Variants in LAMA1 observed in about 807,000 individuals in gnomAD.
LAMA1 encodes laminin subunit alpha-1.
In LAMA1, 219 loss-of-function variants were observed where a neutral mutation model predicts 348.7. The observed-to-expected ratio is 0.63, with a 90% CI of 0.56 to 0.70. The LOEUF is 0.70. LAMA1 is among the 30% of genes least tolerant of loss of function. The pLI, the probability that LAMA1 is intolerant of heterozygous loss-of-function variation, is 0.00. For synonymous variants in LAMA1, 1,487 were observed against 1,491.0 expected, an observed-to-expected ratio of 1.00 and a Z score of 0.06; for missense variants, 3,744 against 3,888.0, an observed-to-expected ratio of 0.96 and a Z score of 0.99.
At chr18:7,060,184 C>G (rs16951134) in intron 3 of LAMA1, among the ~76,000 whole-genome samples, 6,317 of 152,236 alleles carry the variant, frequency 0.041, 341 homozygotes, top group East Asian at 0.2. Flanking sequence ...ATTTTAAATA[C>G]ATTTCTCAGA....
intron 1 of LAMA1, among the ~76,000 whole-genome samples, chr18:7,094,099 G>A (rs759410445): frequency 1.2e-4 from 19 of 152,006 alleles, no homozygotes; most frequent in Non-Finnish European, 2.1e-4. Context: ...ACTTTCACAT[G>A]TACAAATCTC....
At chr18:6,987,768 A>G (rs1324112700) in intron 36 of LAMA1, among the ~76,000 whole-genome samples, 1 of 152,228 alleles carries the variant, frequency 6.6e-6, no homozygotes, top group African/African-American at 2.4e-5. Flanking sequence ...ACATTATTAG[A>G]ATAACATCGG....
At chr18:6,991,516 G>A (rs1049582958) in intron 36 of LAMA1, among the ~76,000 whole-genome samples, 2 of 150,512 alleles carry the variant, frequency 1.3e-5, no homozygotes, top group South Asian at 2.1e-4. Flanking sequence ...TCAGCCTCCC[G>A]AGTAGCTGAG....
At chr18:7,103,920 A>C (rs2058301604) in intron 1 of LAMA1, among the ~76,000 whole-genome samples, 1 of 151,908 alleles carries the variant, frequency 6.6e-6, no homozygotes, top group Non-Finnish European at 1.5e-5. Flanking sequence ...CTTCCTCACT[A>C]GTTACTGCCC....
chr18:7,064,966 T>G (rs1018488859), intron 3 of LAMA1, among the ~76,000 whole-genome samples: 1 of 152,172 alleles, frequency 6.6e-6, no homozygotes, highest in Admixed American at 6.5e-5. Flanking sequence ...CCGGGCGCAG[T>G]GGCTCACGCC....
In LAMA1 at chr18:6,988,417, C is replaced by T. The variant is rs80091034; in HGVS notation, c.5169-2070G>A. On this transcript the variant is annotated intron_variant, in intron 36 of 62. Transcript: ENST00000389658. ...GATCCTCCACGGGGCTGCTGATGTG[C>T]GTCAGCGTACTAAAAGCTTTGAGAA... Among the ~76,000 whole-genome samples, 77 of 152,300 alleles carry T rather than the reference C, an allele frequency of 5.1e-4. No individual in the cohort carries two copies. In the East Asian group the frequency reaches 0.014, roughly 28 times the overall value.
At chr18:6,948,670 CT>C in intron 59 of LAMA1, 114 bp from the exon 60 acceptor site, 1 of 1,225,550 alleles carries the variant, frequency 8.2e-7, no homozygotes, top group Non-Finnish European at 1.2e-6. Context: ...AAAATGTAAT[CT>C]TTTTGTTTTA....
chr18:7,090,111 C>T (rs994181043), intron 1 of LAMA1, among the ~76,000 whole-genome samples: 1 of 152,176 alleles, frequency 6.6e-6, no homozygotes, highest in African/African-American at 2.4e-5. Flanking sequence ...GGGAAACCTG[C>T]CACCAAACAT....
At chr18:6,959,636 T>C (rs1242620368) in intron 53 of LAMA1, 144 bp from the exon 54 acceptor site, 1 of 820,884 alleles carries the variant, frequency 1.2e-6, no homozygotes, top group East Asian at 2.7e-5. Context: ...TGTCACAATG[T>C]TACATTTTGT....
At chr18:7,078,145 T>TTTTG (rs774283780) in intron 3 of LAMA1, among the ~76,000 whole-genome samples, 2 of 150,342 alleles carry the variant, frequency 1.3e-5, no homozygotes, top group Non-Finnish European at 3.0e-5. Context: ...TTTTATTTTT[T>TTTTG]TTTGTTTTTT....
intron 1 of LAMA1, among the ~76,000 whole-genome samples, chr18:7,098,582 C>T (rs2058274228): frequency 1.3e-5 from 2 of 151,154 alleles, no homozygotes; most frequent in South Asian, 2.1e-4. Context: ...CCGGCCGCCC[C>T]GTCTGAGAAG....
At position 7,083,279 on chromosome 18, in the gene LAMA1, G is replaced by A. The variant is rs185542515; in HGVS notation, c.62-2822C>T. 2.9e-3 allele frequency among the ~76,000 whole-genome samples: 428 copies of A among 149,824 alleles called. 1 individual carries two copies. The highest frequency in any genetic ancestry group is 9.9e-3 in the African/African-American group (404 of 40,734). On this transcript the variant is annotated intron_variant, in intron 1 of 62. Transcript: ENST00000389658. ...TGGCTCACTGCAACCTCCACCTCCC[G>A]GGTTCAAGCGATTCTCCTGCCTCAG...
At chr18:7,071,574 A>G (rs538442208) in intron 3 of LAMA1, among the ~76,000 whole-genome samples, 1 of 152,274 alleles carries the variant, frequency 6.6e-6, no homozygotes, top group African/African-American at 2.4e-5. Context: ...AGGCCTGAGG[A>G]TTCTTAGGCA....
chr18:6,972,882 A>G (rs1308848992), intron 47 of LAMA1, among the ~76,000 whole-genome samples, 175 bp downstream of exon 47: 9 of 152,014 alleles, frequency 5.9e-5, no homozygotes, highest in Admixed American at 5.9e-4. Flanking sequence ...TAGAGACAAG[A>G]GTTTCTCCAT....
At position 6,959,843 on chromosome 18, in the gene LAMA1, C is replaced by T. The variant is rs1468509637; in HGVS notation, c.7627-351G>A. The T allele has an allele frequency of 3.7e-5, 11 of 299,632 alleles. No homozygotes were observed. The East Asian group carries it at 8.9e-4, about 24-fold the overall frequency. 18.6% of individuals were successfully genotyped at this position (299,632 alleles called of 1,614,324 possible). ...TATTTTCCAACTTTTTATTACCATA[C>T]ATGTGAATGTTTAATTGTTTTGCCT... On this transcript the variant is annotated intron_variant, in intron 53 of 62. Coordinates refer to ENST00000389658, the MANE Select transcript of LAMA1 (RefSeq NM_005559.4).
chr18:7,104,797 G>A (rs2058305512), intron 1 of LAMA1, among the ~76,000 whole-genome samples: 1 of 152,232 alleles, frequency 6.6e-6, no homozygotes, highest in African/African-American at 2.4e-5. Flanking sequence ...TACATTACAT[G>A]CTACATTGGA....
At chr18:7,063,251 TCTC>T (rs767058685) in intron 3 of LAMA1, among the ~76,000 whole-genome samples, 2 of 152,282 alleles carry the variant, frequency 1.3e-5, no homozygotes, top group South Asian at 2.1e-4. Flanking sequence ...ACTTGAAGAT[TCTC>T]CTTTTTCTTT....
intron 56 of LAMA1, chr18:6,955,993 G>T: frequency 3.2e-6 from 1 of 311,170 alleles, no homozygotes. Context: ...ACCATCTGCG[G>T]GCTGTCCTAA....
At chr18:6,979,378 A>G (rs1016507311) in intron 42 of LAMA1, among the ~76,000 whole-genome samples, 21 of 152,200 alleles carry the variant, frequency 1.4e-4, no homozygotes, top group African/African-American at 5.1e-4. Flanking sequence ...TTATTAAGAA[A>G]AAAAGGAGGA....
Sources: allele counts gnomAD v4.1 joint callset (sites outside exome capture counted in the v4.1 genomes callset), GRCh38; gene constraint gnomAD v4.1.1; transcripts MANE v1.5; gene names NCBI Gene and HGNC (gene_info 2026-07-23, HGNC 2026-07-21).